ASIC2: variants seen among roughly 807,000 people sequenced by gnomAD.
ASIC2 encodes acid-sensing ion channel 2.
Under a neutral mutation model 57.3 loss-of-function variants are expected in ASIC2, and 25 were observed. The observed-to-expected ratio is 0.44, with a 90% CI of 0.32 to 0.61. The LOEUF is 0.61. Ranked by LOEUF, ASIC2 falls within the 20% of genes least tolerant of loss-of-function variation. The pLI, the probability that ASIC2 is intolerant of heterozygous loss-of-function variation, is 0.06. For synonymous variants in ASIC2, 319 were observed against 307.5 expected, an observed-to-expected ratio of 1.04 and a Z score of -0.39; for missense variants, 641 against 738.1, an observed-to-expected ratio of 0.87 and a Z score of 1.52.
chr17:33,870,538 T>A (rs968927777), intron 1 of ASIC2, among the ~76,000 whole-genome samples: 36 of 151,972 alleles, frequency 2.4e-4, no homozygotes, highest in Admixed American at 2.6e-4. Flanking sequence ...GAGGAAGAAT[T>A]CAGGGTGCCA....
intron 1 of ASIC2, among the ~76,000 whole-genome samples, chr17:34,150,092 T>G (rs1440618812): frequency 6.6e-6 from 1 of 152,204 alleles, no homozygotes; most frequent in Non-Finnish European, 1.5e-5. Flanking sequence ...TGTGACAACA[T>G]AGATGAACCT....
At chr17:33,360,674 A>T (rs1383650916) in intron 1 of ASIC2, among the ~76,000 whole-genome samples, 3 of 152,100 alleles carry the variant, frequency 2.0e-5, no homozygotes, top group Non-Finnish European at 4.4e-5. Flanking sequence ...GCCATTTCAC[A>T]ATTCTTTGTT....
At chr17:33,952,183 A>G (rs1381936764) in intron 1 of ASIC2, among the ~76,000 whole-genome samples, 2 of 152,222 alleles carry the variant, frequency 1.3e-5, no homozygotes, top group African/African-American at 2.4e-5. Flanking sequence ...AATGTTGAAC[A>G]ATGAGTGAAG....
At chr17:33,689,455 T>C (rs1908298961) in intron 1 of ASIC2, among the ~76,000 whole-genome samples, 1 of 152,148 alleles carries the variant, frequency 6.6e-6, no homozygotes. Flanking sequence ...GTGGTGTCAA[T>C]CAAAAATGTC....
At chr17:34,041,666 T>C (rs911930630) in intron 1 of ASIC2, among the ~76,000 whole-genome samples, 1 of 152,190 alleles carries the variant, frequency 6.6e-6, no homozygotes, top group Non-Finnish European at 1.5e-5. Context: ...CAAACCAAGT[T>C]AGTTCTTCCC....
intron 9 of ASIC2, among the ~76,000 whole-genome samples, chr17:33,015,767 C>T (rs532988710): frequency 3.9e-5 from 6 of 152,286 alleles, no homozygotes; most frequent in East Asian, 1.9e-4. Context: ...CTGCTGCATC[C>T]GTACTGGCTT....
intron 1 of ASIC2, among the ~76,000 whole-genome samples, chr17:33,958,461 T>G (rs1904811980): frequency 8.2e-6 from 1 of 122,330 alleles, no homozygotes; most frequent in Non-Finnish European, 1.9e-5. Flanking sequence ...TTCCCAAATC[T>G]CAATTCTTGT....
chr17:34,049,504 C>T (rs749496501), intron 1 of ASIC2, among the ~76,000 whole-genome samples: 15 of 152,070 alleles, frequency 9.9e-5, no homozygotes, highest in Non-Finnish European at 7.4e-5. Flanking sequence ...CATTGTCCTT[C>T]TCTGCTTCCA....
chr17:33,719,246 C>T (rs1024653550), intron 1 of ASIC2, among the ~76,000 whole-genome samples: 7 of 152,110 alleles, frequency 4.6e-5, no homozygotes, highest in Non-Finnish European at 8.8e-5. Flanking sequence ...AAGGGACTTG[C>T]GCATGGAGGA....
At chr17:33,015,907 G>A in intron 9 of ASIC2, 64 bp downstream of exon 9, 1 of 1,569,824 alleles carries the variant, frequency 6.4e-7, no homozygotes, top group South Asian at 1.1e-5. Context: ...CCCAGCATCT[G>A]GTTTTGTACT....
chr17:33,736,427 C>T (rs1909912654), intron 1 of ASIC2, among the ~76,000 whole-genome samples: 1 of 152,156 alleles, frequency 6.6e-6, no homozygotes, highest in Non-Finnish European at 1.5e-5. Flanking sequence ...CTTTTCTACA[C>T]TCAAGCCACT....
intron 1 of ASIC2, among the ~76,000 whole-genome samples, chr17:33,533,924 T>C (rs1426930713): frequency 6.6e-6 from 1 of 152,208 alleles, no homozygotes; most frequent in Non-Finnish European, 1.5e-5. Context: ...CTCTGTAAGG[T>C]GAAGGGCTAA....
At chr17:33,469,247 C>T (rs1009886353) in intron 1 of ASIC2, among the ~76,000 whole-genome samples, 1 of 152,200 alleles carries the variant, frequency 6.6e-6, no homozygotes, top group Non-Finnish European at 1.5e-5. Flanking sequence ...GGAGCACAGA[C>T]TGGGGTGGAC....
intron 1 of ASIC2, among the ~76,000 whole-genome samples, chr17:33,436,263 C>T (rs1221134509): frequency 1.3e-5 from 2 of 152,196 alleles, no homozygotes; most frequent in African/African-American, 2.4e-5. Flanking sequence ...AGGCCACAGG[C>T]TTAGGATTCT....
chr17:33,728,521 T>C (rs1909634823), intron 1 of ASIC2, among the ~76,000 whole-genome samples: 2 of 152,128 alleles, frequency 1.3e-5, no homozygotes, highest in Admixed American at 1.3e-4. Context: ...TACAGTTATT[T>C]ATCGGTCTGA....
intron 1 of ASIC2, among the ~76,000 whole-genome samples, chr17:33,222,629 C>T (rs1391617381): frequency 6.6e-6 from 1 of 152,210 alleles, no homozygotes; most frequent in Non-Finnish European, 1.5e-5. Context: ...ATATTTGTCT[C>T]TTGCCTCTGC....
At chr17:33,583,034 A>G (rs545514407) in intron 1 of ASIC2, among the ~76,000 whole-genome samples, 74 of 152,326 alleles carry the variant, frequency 4.9e-4, no homozygotes, top group Non-Finnish European at 9.6e-4. Context: ...TCCAGATGCA[A>G]TGAGTGTGGG....
chr17:33,025,976 G>T lies in ASIC2; in HGVS notation c.1145C>A (p.Ala382Asp). The T allele has an allele frequency of 6.2e-7, 1 of 1,613,624 alleles. No homozygotes were observed. The highest frequency in any genetic ancestry group is 8.5e-7 in the Non-Finnish European group (1 of 1,179,774). ...NCRMVHMPGD[A>D]PFCTPEQHKE... Reference sequence around the variant, plus strand: ...GTGCTGCTCAGGGGTACAAAAAGGGGCATCCCCTGCAAAGAAGAAACACCA... The same window carrying T: ...GTGCTGCTCAGGGGTACAAAAAGGGTCATCCCCTGCAAAGAAGAAACACCA... The change falls in exon 5 of 10, where the codon GCC (alanine) becomes GAC (aspartate). Residue 382 changes from alanine (A) to aspartate (D), a missense_variant. Physicochemically the swap from Ala to Asp is moderately radical, Grantham distance 126. This residue lies in a region of ASIC2 where 252 missense variants were observed against 319.8 expected (regional missense o/e 0.79). Transcript: ENST00000225823.
rs140282150 is a variant in ASIC2 at position 33,634,578 on chromosome 17, C to T, written c.555+521400G>A. The stretch of plus-strand genomic sequence containing the variant: ...TCGCCCAGGCTGGAGTGCAGTAGTG[C>T]GATCTTGGCTCACTGCAAGCTCCGC... On this transcript the variant is annotated intron_variant, in intron 1 of 9. Coordinates refer to the ASIC2 transcript ENST00000359872. Among the ~76,000 whole-genome samples, 110 of 142,314 alleles carry T rather than the reference C, an allele frequency of 7.7e-4. 1 individual carries two copies. In the East Asian group the frequency reaches 0.02, roughly 25 times the overall value. The allele number at this position is 142,314 out of a possible 152,430, so 93.4% of individuals were successfully genotyped here.
Sources: allele counts gnomAD v4.1 joint callset (sites outside exome capture counted in the v4.1 genomes callset), GRCh38; gene constraint gnomAD v4.1.1; regional missense constraint gnomAD v4.1.1; transcripts MANE v1.5; gene names NCBI Gene and HGNC (gene_info 2026-07-23, HGNC 2026-07-21).